The following TNS1 variants were observed in gnomAD, a reference collection of about 807,000 sequenced individuals.
TNS1 encodes the protein tensin-1.
In TNS1, 62 loss-of-function variants were observed where a neutral mutation model predicts 168.6. That is an observed-to-expected ratio of 0.37 (90% CI 0.30 to 0.45). TNS1 has a LOEUF of 0.45. Ranked by LOEUF, TNS1 falls within the 20% of genes least tolerant of loss-of-function variation. The pLI is 1.00. For missense variants in TNS1, 2,240 were observed against 2,339.4 expected (o/e 0.96, Z 0.88); for synonymous variants, 934 against 933.2 (o/e 1.00, Z -0.02).
chr2:217,849,945 CT>C lies in TNS1; in HGVS notation c.1430-859del, dbSNP rs568804731. 392 of 985,402 alleles carry C rather than the reference CT, an allele frequency of 4.0e-4. 2 individuals carry two copies. The African/African-American group carries it at 6.3e-3, about 16-fold the overall frequency. 61.0% of individuals were successfully genotyped at this position (985,402 alleles called of 1,614,324 possible). A position where few individuals can be genotyped will look rare whatever the true frequency, so the allele number is the denominator to read the frequency against. On this transcript the variant is annotated intron_variant, in intron 18 of 32. Transcript: ENST00000682258. The stretch of plus-strand genomic sequence containing the variant: ...TGCCCTCAGCTAGATTTGTCTCCAG[CT>C]CAATGCAAAGGATGTGATAGAACCA...
At chr2:217,985,230 C>T (rs1483466513) in intron 2 of TNS1, among the ~76,000 whole-genome samples, 5 of 151,848 alleles carry the variant, frequency 3.3e-5, no homozygotes, top group Admixed American at 2.6e-4. Flanking sequence ...TTTATTTTTA[C>T]AGCTAAATTC....
At chr2:217,862,250 C>T (rs911685288) in intron 18 of TNS1, among the ~76,000 whole-genome samples, 1 of 151,944 alleles carries the variant, frequency 6.6e-6, no homozygotes, top group African/African-American at 2.4e-5. Flanking sequence ...GAATACACTT[C>T]GTCTTACCAT....
chr2:217,900,258 C>T (rs1952804740), intron 7 of TNS1, among the ~76,000 whole-genome samples: 1 of 152,254 alleles, frequency 6.6e-6, no homozygotes, highest in African/African-American at 2.4e-5. Flanking sequence ...AGACTCAGCT[C>T]AAGGGCTGGC....
intron 4 of TNS1, among the ~76,000 whole-genome samples, chr2:217,910,727 C>T (rs1238796240): frequency 1.3e-5 from 2 of 149,878 alleles, no homozygotes; most frequent in African/African-American, 2.5e-5. Context: ...CACACACACA[C>T]ACACACACAC....
intron 1 of TNS1, among the ~76,000 whole-genome samples, chr2:218,025,667 G>A (rs1958844541): frequency 6.6e-6 from 1 of 150,962 alleles, no homozygotes; most frequent in African/African-American, 2.4e-5. Flanking sequence ...CTGCCTGGGA[G>A]ACAGGGGATT....
rs1459592869 is a variant in TNS1 at position 217,892,963 on chromosome 2, C to T, written c.767G>A (p.Ser256Asn). 2.4e-5 allele frequency: 39 copies of T among 1,614,086 alleles called. No homozygotes were observed. Among genetic ancestry groups the T allele is most frequent in the Non-Finnish European group, 3.1e-5 (37 of 1,180,040 alleles). ...CCCCTCTTACCTGGCAGAAATGTTG[C>T]TGTAGTGCATGTAAGCCGCGATGAC... is the stretch of plus-strand genomic sequence containing the variant. ...GVVIAAYMHY[S>N]NISASADQAL... The change falls in exon 11 of 33, where the codon AGC becomes AAC. Residue 256 changes from serine (S) to asparagine (N), a missense_variant. Ser to Asn is a conservative substitution (Grantham distance 46). Transcript: ENST00000682258.
At chr2:217,912,062 A>G (rs925639747) in intron 4 of TNS1, among the ~76,000 whole-genome samples, 3 of 152,212 alleles carry the variant, frequency 2.0e-5, no homozygotes, top group African/African-American at 7.2e-5. Context: ...AAAGACACAT[A>G]TGCCCTCTCC....
intron 12 of TNS1, 184 bp downstream of exon 12, chr2:217,890,778 G>T: frequency 1.6e-6 from 1 of 632,418 alleles, no homozygotes; most frequent in Non-Finnish European, 2.8e-6. Flanking sequence ...ACACACCACA[G>T]GCTGGCTCCC....
At chr2:217,892,104 G>GT (rs1192765458) in intron 11 of TNS1, among the ~76,000 whole-genome samples, 2 of 152,116 alleles carry the variant, frequency 1.3e-5, no homozygotes, top group Non-Finnish European at 2.9e-5. Context: ...AATATTTATT[G>GT]TTTTTTTCTT....
chr2:217,915,385 G>C (rs1449958744), intron 4 of TNS1, among the ~76,000 whole-genome samples: 2 of 152,200 alleles, frequency 1.3e-5, no homozygotes, highest in Non-Finnish European at 2.9e-5. Flanking sequence ...ACTAGATAGC[G>C]TCCAAAGTCC....
At chr2:217,867,296 A>G (rs542244524) in intron 18 of TNS1, among the ~76,000 whole-genome samples, 21 of 152,308 alleles carry the variant, frequency 1.4e-4, no homozygotes, top group African/African-American at 4.8e-4. Context: ...TTATCTCTTC[A>G]TATATTCTTC....
chr2:218,003,540 T>C (rs983522995), upstream of TNS1, among the ~76,000 whole-genome samples: 1 of 152,002 alleles, frequency 6.6e-6, no homozygotes, highest in Admixed American at 6.5e-5. Flanking sequence ...GGACAGGCCT[T>C]AACACAGAAG....
intron 18 of TNS1, among the ~76,000 whole-genome samples, chr2:217,856,085 C>T (rs1264890373): frequency 6.6e-6 from 1 of 152,188 alleles, no homozygotes; most frequent in African/African-American, 2.4e-5. Flanking sequence ...TCCCAAGATA[C>T]AACATATGCA....
chr2:217,830,277 G>T, intron 22 of TNS1: 1 of 1,550,860 alleles, frequency 6.4e-7, no homozygotes, highest in Non-Finnish European at 8.8e-7. Context: ...CCGTGGCTCA[G>T]TGTCCCTGGC....
At chr2:217,858,442 A>G (rs368264632) in intron 18 of TNS1, 2 of 880,388 alleles carry the variant, frequency 2.3e-6, no homozygotes, top group African/African-American at 3.6e-5. Context: ...TCCAGCAGAA[A>G]GCCACACAAG....
chr2:217,819,999 C>T (rs1324520981), intron 23 of TNS1, among the ~76,000 whole-genome samples: 1 of 152,066 alleles, frequency 6.6e-6, no homozygotes, highest in Non-Finnish European at 1.5e-5. Context: ...CAGGCAAGAG[C>T]CAAGGGCAAG....
rs1574952602 is a variant in TNS1 at position 217,886,236 on chromosome 2, G to A, written c.980-132C>T. ...AAGACGGGGTAGGAAGGGGAAGGAG[G>A]AAAAGAGGAAAGAGTAAAAGAGGAA... is the stretch of plus-strand genomic sequence containing the variant. On this transcript the variant is annotated intron_variant, in intron 13 of 32. Transcript: ENST00000682258. The A allele has an allele frequency of 5.4e-6, 5 of 930,566 alleles. No homozygotes were observed. In the East Asian group the frequency reaches 1.0e-4, roughly 19 times the overall value. 57.6% of individuals were successfully genotyped at this position (930,566 alleles called of 1,614,324 possible). A position where few individuals can be genotyped will look rare whatever the true frequency, so the allele number is the denominator to read the frequency against.
intron 19 of TNS1, chr2:217,841,945 TC>T: frequency 1.6e-6 from 1 of 631,052 alleles, no homozygotes; most frequent in Non-Finnish European, 2.8e-6. Flanking sequence ...TGCTATGTTA[TC>T]CTTTCCTTGC....
upstream of TNS1, among the ~76,000 whole-genome samples, chr2:218,014,377 T>A (rs1483915313): frequency 6.6e-6 from 1 of 152,102 alleles, no homozygotes; most frequent in African/African-American, 2.4e-5. Flanking sequence ...CAAGGGGCTG[T>A]CCCTCGGGTA....
Sources: gnomAD v4.1 joint callset for allele counts (sites outside exome capture counted in the v4.1 genomes callset) on GRCh38, gnomAD v4.1.1 for gene constraint, MANE v1.5 for transcripts, NCBI Gene and HGNC (gene_info 2026-07-23, HGNC 2026-07-21) for gene names.